Variants in COP1 observed in about 807,000 individuals in gnomAD.
COP1 encodes the protein COP1 E3 ubiquitin ligase, also known as E3 ubiquitin-protein ligase COP1.
Under a neutral mutation model 101.3 loss-of-function variants are expected in COP1, and 24 were observed. The observed-to-expected ratio is 0.24, with a 90% CI of 0.17 to 0.33. The LOEUF (loss-of-function observed/expected upper bound fraction) is 0.33, where lower values mean the gene tolerates loss of function less well. Ranked by LOEUF, COP1 falls within the 10% of genes least tolerant of loss-of-function variation. The probability of loss-of-function intolerance (pLI) is 1.00; values close to 1 mark genes in which losing one functional copy is unlikely to be tolerated. For missense variants in COP1, 663 were observed against 906.2 expected, an observed-to-expected ratio of 0.73 and a Z score of 3.45; for synonymous variants, 347 against 341.9, an observed-to-expected ratio of 1.01 and a Z score of -0.17.
intron 5 of COP1, among the ~76,000 whole-genome samples, chr1:176,155,566 C>G (rs191570436): frequency 1.3e-5 from 2 of 151,998 alleles, no homozygotes; most frequent in African/African-American, 4.8e-5. Flanking sequence ...AAGGGCTGAA[C>G]AAGTAATGGC....
Position 175,988,349 on chromosome 1 carries a change from CT to C in COP1, c.1910del (p.Lys637ArgfsTer10). 1 of 1,612,158 alleles carries C rather than the reference CT, an allele frequency of 6.2e-7. No homozygotes were observed. On this transcript the variant is annotated frameshift_variant, in exon 17 of 20. Coordinates refer to ENST00000367669, the MANE Select transcript of COP1 (RefSeq NM_022457.7). LOFTEE classifies it high-confidence loss of function. ...CAAAGTTTTTTTCATTGATATGACC[CT>C]TGAAGGAACGTAGGCAGTATGGTTT... Reference protein sequence around the residue: ...VGKPYCLRSFKGHINEKNFVG... With the variant: ...VGKPYCLRSFXGHINEKNFVG...
chr1:176,046,090 G>C, intron 12 of COP1, 91 bp downstream of exon 12: 1 of 971,764 alleles, frequency 1.0e-6, no homozygotes, highest in Non-Finnish European at 1.6e-6. Flanking sequence ...TGAGTAAAAA[G>C]TGTCATGCAA....
intron 9 of COP1, among the ~76,000 whole-genome samples, chr1:176,098,765 A>G (rs531351831): frequency 2.0e-5 from 3 of 152,356 alleles, no homozygotes; most frequent in South Asian, 4.1e-4. Flanking sequence ...ATTCTATTTC[A>G]TAACATCAAG....
chr1:175,957,676 C>T (rs1020169130), intron 18 of COP1, among the ~76,000 whole-genome samples: 6 of 152,144 alleles, frequency 3.9e-5, no homozygotes, highest in Non-Finnish European at 5.9e-5. Context: ...TAATGCCACT[C>T]CTAGGTATTT....
chr1:176,200,845 T>C (rs1700193999), intron 1 of COP1, among the ~76,000 whole-genome samples: 1 of 152,150 alleles, frequency 6.6e-6, no homozygotes, highest in Non-Finnish European at 1.5e-5. Context: ...CCTGAATGCT[T>C]ACAGAATTTT....
In COP1 at chr1:176,006,639, T is replaced by C. The variant is rs141603606; in HGVS notation, c.1730-17160A>G. ...GTTTGGCTTGATATGAAATTCTGGGTTGAAAATTCTTTTCTTTAAGAATGT... is the reference window on the plus strand; with the variant it reads ...GTTTGGCTTGATATGAAATTCTGGGCTGAAAATTCTTTTCTTTAAGAATGT... On this transcript the variant is annotated intron_variant, in intron 15 of 19. Coordinates refer to ENST00000367669, the MANE Select transcript of COP1 (RefSeq NM_022457.7). 7.3e-3 allele frequency among the ~76,000 whole-genome samples: 1,114 copies of C among 152,342 alleles called. 11 individuals carry two copies. The highest frequency in any genetic ancestry group is 0.025 in the African/African-American group (1,031 of 41,566).
intron 9 of COP1, among the ~76,000 whole-genome samples, chr1:176,107,692 G>C (rs1684553471): frequency 6.6e-6 from 1 of 152,100 alleles, no homozygotes; most frequent in South Asian, 2.1e-4. Context: ...TGCTCAAAGG[G>C]AAGAAACTTT....
intron 2 of COP1, among the ~76,000 whole-genome samples, chr1:176,178,086 T>A (rs1489187511): frequency 6.6e-6 from 1 of 152,202 alleles, no homozygotes; most frequent in African/African-American, 2.4e-5. Context: ...GCTTCATGTA[T>A]GACTGAAAAT....
chr1:176,007,722 C>T (rs1663671841), intron 15 of COP1, among the ~76,000 whole-genome samples: 1 of 152,132 alleles, frequency 6.6e-6, no homozygotes, highest in Non-Finnish European at 1.5e-5. Flanking sequence ...CAGCTGCGTG[C>T]TGGGAGAACC....
At chr1:176,166,016 C>T (rs1397897912) in intron 3 of COP1, among the ~76,000 whole-genome samples, 1 of 152,012 alleles carries the variant, frequency 6.6e-6, no homozygotes, top group Admixed American at 6.6e-5. Flanking sequence ...TGAATTTTAC[C>T]ACAAAATCTT....
At chr1:175,976,431 C>T (rs2148651686) in intron 18 of COP1, among the ~76,000 whole-genome samples, 1 of 152,010 alleles carries the variant, frequency 6.6e-6, no homozygotes, top group East Asian at 1.9e-4. Context: ...GTGTGCAACA[C>T]CATGCCTGCC....
chr1:175,949,186 A>AAAAAAAAAAAAAAAT, intron 18 of COP1, among the ~76,000 whole-genome samples: 1 of 140,850 alleles, frequency 7.1e-6, no homozygotes, highest in Non-Finnish European at 1.6e-5. Flanking sequence ...AAAAAAAAAA[A>AAAAAAAAAAAAAAAT]AAAAAATGAA....
chr1:176,057,234 A>AGTTTTTATATTTTATTTT (rs1262174794), intron 11 of COP1, among the ~76,000 whole-genome samples: 1 of 152,224 alleles, frequency 6.6e-6, no homozygotes, highest in African/African-American at 2.4e-5. Flanking sequence ...AAACATTTAT[A>AGTTTTTATATTTTATTTT]TAGTTTGCTA....
At chr1:176,165,361 C>CGTGT (rs34291468) in intron 3 of COP1, among the ~76,000 whole-genome samples, 16,885 of 131,800 alleles carry the variant, frequency 0.13, 1,290 homozygotes, top group East Asian at 0.16. Flanking sequence ...AGATGTGTGT[C>CGTGT]GTGTGTGTGT....
chr1:176,205,016 C>T (rs965991937), intron 1 of COP1, among the ~76,000 whole-genome samples: 1 of 152,124 alleles, frequency 6.6e-6, no homozygotes, highest in Non-Finnish European at 1.5e-5. Flanking sequence ...GGTGCCTGGC[C>T]GACAGTGAAT....
At chr1:176,116,172 G>A (rs1686155532) in intron 9 of COP1, among the ~76,000 whole-genome samples, 1 of 152,036 alleles carries the variant, frequency 6.6e-6, no homozygotes, top group South Asian at 2.1e-4. Context: ...GAGTCCAGGA[G>A]TTTGAGACCA....
At chr1:176,043,147 AG>A in intron 14 of COP1, 38 bp downstream of exon 14, 1 of 1,226,624 alleles carries the variant, frequency 8.2e-7, no homozygotes. Flanking sequence ...TAAGAGGGCC[AG>A]GGAGAAGGAG....
At chr1:176,151,369 G>T (rs948530408) in intron 5 of COP1, among the ~76,000 whole-genome samples, 1 of 95,446 alleles carries the variant, frequency 1.0e-5, no homozygotes, top group Non-Finnish European at 2.7e-5. Context: ...AAGAAAGAAA[G>T]AAAGAAAGAA....
At chr1:176,085,127 T>C (rs573656665) in intron 10 of COP1, among the ~76,000 whole-genome samples, 5 of 152,308 alleles carry the variant, frequency 3.3e-5, no homozygotes, top group South Asian at 4.1e-4. Flanking sequence ...GCATATGTTA[T>C]TTCCTCTACT....
Sources: allele counts gnomAD v4.1 joint callset (sites outside exome capture counted in the v4.1 genomes callset), GRCh38; gene constraint gnomAD v4.1.1; transcripts MANE v1.5; gene names NCBI Gene and HGNC (gene_info 2026-07-23, HGNC 2026-07-21).